Variants in HTR1F observed in about 807,000 individuals in gnomAD.
HTR1F encodes 5-hydroxytryptamine (serotonin) receptor 1F, G protein-coupled.
HTR1F carries 17 observed loss-of-function variants against 24.0 expected under a neutral mutation model. The ratio of observed to expected loss-of-function variants is 0.71; its 90% CI spans 0.48 to 1.06. HTR1F has a LOEUF of 1.06. Ranked by LOEUF, HTR1F falls within the 50% of genes least tolerant of loss-of-function variation. The pLI is 0.00. For synonymous variants in HTR1F, 186 were observed against 156.8 expected, an observed-to-expected ratio of 1.19 and a Z score of -1.39; for missense variants, 391 against 427.8, an observed-to-expected ratio of 0.91 and a Z score of 0.76.
intron 2 of HTR1F, among the ~76,000 whole-genome samples, chr3:87,889,804 T>G (rs1305459142): frequency 6.6e-6 from 1 of 152,256 alleles, no homozygotes; most frequent in Non-Finnish European, 1.5e-5. Flanking sequence ...AATTCTGATA[T>G]GAATTTATAA....
At chr3:87,881,104 G>A (rs1705785163) in intron 2 of HTR1F, among the ~76,000 whole-genome samples, 1 of 152,154 alleles carries the variant, frequency 6.6e-6, no homozygotes, top group Admixed American at 6.5e-5. Flanking sequence ...CCCACGGAGG[G>A]TGAGCCTAAG....
chr3:87,861,660 C>T (rs1201587864), intron 2 of HTR1F, among the ~76,000 whole-genome samples: 1 of 152,066 alleles, frequency 6.6e-6, no homozygotes, highest in African/African-American at 2.4e-5. Context: ...CCTTGGAGCT[C>T]ATAAATATTT....
intron 2 of HTR1F, among the ~76,000 whole-genome samples, chr3:87,963,152 A>C (rs1478322241): frequency 1.3e-5 from 2 of 152,084 alleles, no homozygotes; most frequent in African/African-American, 2.4e-5. Context: ...CTGGTCAAAT[A>C]AATCTACCGA....
chr3:87,922,315 T>C (rs1227835877), intron 2 of HTR1F, among the ~76,000 whole-genome samples: 2 of 151,974 alleles, frequency 1.3e-5, no homozygotes, highest in Non-Finnish European at 2.9e-5. Context: ...TGGCCATTTA[T>C]AGGTATTTTT....
In HTR1F at chr3:87,846,791, A is replaced by T. The variant is rs146904607; in HGVS notation, c.-43+24667A>T. ...TCTTTAAAGATAGTCATTGTATTTT[A>T]GTTACATAAGATTTATAGCTTTTGA... On this transcript the variant is annotated intron_variant, in intron 2 of 2. Coordinates refer to ENST00000319595, the MANE Select transcript of HTR1F (RefSeq NM_001322209.2). 2.4e-3 allele frequency among the ~76,000 whole-genome samples: 372 copies of T among 152,080 alleles called. 8 individuals carry two copies. The highest frequency in any genetic ancestry group is 8.5e-3 in the African/African-American group (351 of 41,374).
intron 2 of HTR1F, among the ~76,000 whole-genome samples, chr3:87,933,320 T>A (rs1704329722): frequency 6.7e-6 from 1 of 150,344 alleles, no homozygotes; most frequent in African/African-American, 2.4e-5. Flanking sequence ...CTCTCACCAC[T>A]CCTATTCAAC....
intron 2 of HTR1F, among the ~76,000 whole-genome samples, chr3:87,830,675 A>T (rs1704555854): frequency 6.6e-6 from 1 of 152,228 alleles, no homozygotes; most frequent in African/African-American, 2.4e-5. Flanking sequence ...CATCTCACTG[A>T]ATCTTTATAT....
chr3:87,908,536 G>A (rs904270136), intron 2 of HTR1F, among the ~76,000 whole-genome samples: 5 of 151,874 alleles, frequency 3.3e-5, no homozygotes, highest in African/African-American at 7.3e-5. Context: ...ATCTGGTAAC[G>A]TAAATGTATT....
At chr3:87,985,249 C>A (rs559482010) in intron 2 of HTR1F, among the ~76,000 whole-genome samples, 1 of 151,926 alleles carries the variant, frequency 6.6e-6, no homozygotes, top group Non-Finnish European at 1.5e-5. Context: ...GCTGACGAAT[C>A]GCTTGAACCC....
intron 2 of HTR1F, among the ~76,000 whole-genome samples, chr3:87,844,041 C>G (rs1704876972): frequency 6.7e-6 from 1 of 148,868 alleles, no homozygotes; most frequent in African/African-American, 2.5e-5. Flanking sequence ...GGGTATATAC[C>G]CAGTAATGGG....
chr3:87,988,483 C>T (rs1460061396), intron 2 of HTR1F, among the ~76,000 whole-genome samples: 2 of 152,116 alleles, frequency 1.3e-5, no homozygotes, highest in Non-Finnish European at 2.9e-5. Context: ...GTACTGTTAA[C>T]CCAAGCAGTT....
At chr3:87,980,607 C>T (rs1705519765) in intron 2 of HTR1F, among the ~76,000 whole-genome samples, 7 of 152,126 alleles carry the variant, frequency 4.6e-5, no homozygotes, top group Admixed American at 4.6e-4. Context: ...TGGGGGCTTG[C>T]TCCTTTCCAC....
intron 2 of HTR1F, among the ~76,000 whole-genome samples, chr3:87,861,309 C>T (rs922593625): frequency 6.6e-6 from 1 of 152,172 alleles, no homozygotes. Context: ...ATTTTGTTCA[C>T]TCTTCCTATC....
intron 2 of HTR1F, among the ~76,000 whole-genome samples, chr3:87,840,644 C>A (rs1704782406): frequency 6.7e-6 from 1 of 150,066 alleles, no homozygotes; most frequent in Admixed American, 6.6e-5. Flanking sequence ...GATATCCACA[C>A]CCCCATATTT....
At chr3:87,915,694 G>A (rs573079737) in intron 2 of HTR1F, among the ~76,000 whole-genome samples, 2 of 152,208 alleles carry the variant, frequency 1.3e-5, no homozygotes, top group East Asian at 3.9e-4. Context: ...AAGCCTCCAA[G>A]AAGTCTGGGA....
intron 2 of HTR1F, among the ~76,000 whole-genome samples, chr3:87,881,138 G>C (rs1385019273): frequency 6.6e-6 from 1 of 152,196 alleles, no homozygotes; most frequent in Admixed American, 6.5e-5. Context: ...TGCCTCACCT[G>C]GGAAGTGCAA....
At chr3:87,928,536 A>G (rs1180389388) in intron 2 of HTR1F, among the ~76,000 whole-genome samples, 1 of 152,190 alleles carries the variant, frequency 6.6e-6, no homozygotes, top group Non-Finnish European at 1.5e-5. Flanking sequence ...ATGTTCACTT[A>G]CACAGACACA....
At chr3:87,960,351 C>G (rs1446203567) in intron 2 of HTR1F, among the ~76,000 whole-genome samples, 1 of 151,876 alleles carries the variant, frequency 6.6e-6, no homozygotes, top group Non-Finnish European at 1.5e-5. Context: ...AGTAGCTGCC[C>G]AGATGGTTTA....
At chr3:87,800,946 T>A (rs1703980784) in intron 1 of HTR1F, among the ~76,000 whole-genome samples, 1 of 152,210 alleles carries the variant, frequency 6.6e-6, no homozygotes, top group South Asian at 2.1e-4. Context: ...TTCTCTTATT[T>A]AACAAAATAT....
Sources: allele counts gnomAD v4.1 joint callset (sites outside exome capture counted in the v4.1 genomes callset), GRCh38; gene constraint gnomAD v4.1.1; transcripts MANE v1.5; gene names NCBI Gene and HGNC (gene_info 2026-07-23, HGNC 2026-07-21).